The following PTCHD1 variants were observed in gnomAD, a reference collection of about 807,000 sequenced individuals.
PTCHD1 encodes patched domain containing 1.
Under a neutral mutation model 34.6 loss-of-function variants are expected in PTCHD1, and 3 were observed. The ratio of observed to expected loss-of-function variants is 0.09; its 90% CI spans 0.04 to 0.22. PTCHD1 has a LOEUF of 0.22. PTCHD1 is among the 10% of genes least tolerant of loss of function. PTCHD1 has a pLI of 1.00. For missense variants in PTCHD1, 504 were observed against 685.5 expected (o/e 0.74, Z 2.96); for synonymous variants, 305 against 283.1 (o/e 1.08, Z -0.77).
At chrX:23,383,306 A>G (rs17343379) in intron 2 of PTCHD1, among the ~76,000 whole-genome samples, 7,010 of 112,040 alleles carry the variant, frequency 0.063, 251 homozygotes, top group East Asian at 0.28. Context: ...TTCCTTGGCT[A>G]TCAATAGGTC....
At chrX:23,347,516 C>T (rs1195336877) in intron 1 of PTCHD1, among the ~76,000 whole-genome samples, 1 of 112,185 alleles carries the variant, frequency 8.9e-6, no homozygotes, top group Admixed American at 9.4e-5. Flanking sequence ...TACATTCTGA[C>T]CCCTAGATTA....
chrX:23,390,790 A>G lies in PTCHD1; in HGVS notation c.1013-1741A>G, dbSNP rs1034190193. ...GGATATAAATACTAGCTTGGGCATGAGGGAAGATGTACACCTAGCTATTGT... is the reference window on the plus strand; with the variant it reads ...GGATATAAATACTAGCTTGGGCATGGGGGAAGATGTACACCTAGCTATTGT... On this transcript the variant is annotated intron_variant, in intron 2 of 2. Transcript: ENST00000379361. Among the ~76,000 whole-genome samples, 121 of 112,353 alleles carry G rather than the reference A, an allele frequency of 1.1e-3. 1 individual carries two copies. Among genetic ancestry groups the G allele is most frequent in the African/African-American group, 3.5e-3 (109 of 30,972 alleles).
At chrX:23,349,434 A>G (rs1306031334) in intron 1 of PTCHD1, among the ~76,000 whole-genome samples, 1 of 112,006 alleles carries the variant, frequency 8.9e-6, no homozygotes, top group Non-Finnish European at 1.9e-5. Context: ...CTTTAAATAT[A>G]AAGAGTCATA....
At position 23,400,665 on chromosome X, in the gene PTCHD1, T is replaced by C. The variant is rs1247992299; in HGVS notation, c.*6480T>C. ...ACAACGGAAGCCGCCTCGGTTGGCC[T>C]ATGGGAAGGGCTGGGTGAATCACTG... On this transcript the variant is annotated 3_prime_UTR_variant, in exon 3 of 3. Coordinates refer to ENST00000379361, the MANE Select transcript of PTCHD1 (RefSeq NM_173495.3). The C allele has an allele frequency of 8.9e-6, 1 of 111,762 alleles. No individual in the cohort carries two copies. The allele number at this position is 111,762 out of a possible 1,213,427, so 9.2% of individuals were successfully genotyped here.
chrX:23,335,425 G>C (rs891967643), intron 1 of PTCHD1, among the ~76,000 whole-genome samples, 199 bp downstream of exon 1: 8 of 113,039 alleles, frequency 7.1e-5, no homozygotes, highest in Non-Finnish European at 1.1e-4. Context: ...GTCCGGGTCC[G>C]GCCCTGCCCG....
In PTCHD1 at chrX:23,393,015, T is replaced by C. The variant is rs1922879198; in HGVS notation, c.1497T>C (p.Tyr499=). ...ACTGTGACTGGATAACCAACACCTA[T>C]GTCAAGCCTTTTGTAGTTCTCTTTT... ...RYYCDWITNT[Y]VKPFVVLFYL... Residue 499 remains tyrosine, a synonymous_variant, in exon 3 of 3, where the codon TAT becomes TAC. Coordinates refer to ENST00000379361, the MANE Select transcript of PTCHD1 (RefSeq NM_173495.3). 3 of 1,211,431 alleles carry C rather than the reference T, an allele frequency of 2.5e-6. No individual in the cohort carries two copies. In the South Asian group the frequency reaches 5.3e-5, roughly 21 times the overall value.
chrX:23,391,292 C>T (rs751398667), intron 2 of PTCHD1, among the ~76,000 whole-genome samples: 5 of 111,467 alleles, frequency 4.5e-5, no homozygotes, highest in Non-Finnish European at 7.5e-5. Context: ...TCAAATAGCG[C>T]GGAGAAGCTA....
At chrX:23,340,666 C>G (rs1188845737) in intron 1 of PTCHD1, among the ~76,000 whole-genome samples, 3 of 112,100 alleles carry the variant, frequency 2.7e-5, no homozygotes, top group African/African-American at 9.7e-5. Context: ...CAAAGAAACA[C>G]GGAATCAAAG....
upstream of PTCHD1, chrX:23,334,832 C>T (rs773704617): frequency 1.1e-6 from 1 of 936,664 alleles, no homozygotes; most frequent in African/African-American, 2.0e-5. Flanking sequence ...GAACCCGCGC[C>T]GAGCGTGCGC....
At position 23,395,513 on chromosome X, in the gene PTCHD1, C is replaced by G. The variant is rs1922966579; in HGVS notation, c.*1328C>G. 1 of 111,556 alleles carries G rather than the reference C, an allele frequency of 9.0e-6. No individual in the cohort carries two copies. Among genetic ancestry groups the G allele is most frequent in the African/African-American group, 3.3e-5 (1 of 30,614 alleles). 9.2% of individuals were successfully genotyped at this position (111,556 alleles called of 1,213,427 possible). On this transcript the variant is annotated 3_prime_UTR_variant, in exon 3 of 3. Transcript: ENST00000379361. ...GCTGCACCTCACCTTGCTGGTCCCC[C>G]CCACACCTTTTTTGATGTCCTTCTG...
chrX:23,369,870 C>T (rs1286635070), intron 1 of PTCHD1, among the ~76,000 whole-genome samples: 4 of 111,868 alleles, frequency 3.6e-5, no homozygotes, highest in Non-Finnish European at 7.5e-5. Context: ...TTGTACTGAT[C>T]CATGCTTCTA....
intron 2 of PTCHD1, among the ~76,000 whole-genome samples, chrX:23,388,929 T>G (rs1922754102): frequency 8.9e-6 from 1 of 112,203 alleles, no homozygotes; most frequent in Non-Finnish European, 1.9e-5. Flanking sequence ...AAAATCTATC[T>G]TCTCTGCCTC....
At chrX:23,381,695 G>T (rs1431020277) in intron 2 of PTCHD1, among the ~76,000 whole-genome samples, 1 of 111,817 alleles carries the variant, frequency 8.9e-6, no homozygotes, top group Non-Finnish European at 1.9e-5. Context: ...TGAAGAGCTG[G>T]GCACTGTAAG....
chrX:23,344,525 A>G (rs1921424239), intron 1 of PTCHD1, among the ~76,000 whole-genome samples: 1 of 112,221 alleles, frequency 8.9e-6, no homozygotes, highest in African/African-American at 3.2e-5. Flanking sequence ...TGCTCAAGCT[A>G]CATTCAATAC....
At chrX:23,379,068 C>T (rs1922485845) in intron 1 of PTCHD1, among the ~76,000 whole-genome samples, 1 of 111,850 alleles carries the variant, frequency 8.9e-6, no homozygotes, top group Non-Finnish European at 1.9e-5. Context: ...CCCTGCAAAT[C>T]GGCATTAAAG....
chrX:23,378,512 G>A (rs1282946618), intron 1 of PTCHD1, among the ~76,000 whole-genome samples: 1 of 112,023 alleles, frequency 8.9e-6, no homozygotes, highest in Admixed American at 9.4e-5. Flanking sequence ...CATAAATTCA[G>A]AAATTAGTTG....
At chrX:23,360,128 G>T (rs747035594) in intron 1 of PTCHD1, among the ~76,000 whole-genome samples, 1 of 111,890 alleles carries the variant, frequency 8.9e-6, no homozygotes, top group East Asian at 2.8e-4. Context: ...TTGTGTCTCT[G>T]CCAGGATTTG....
At chrX:23,376,864 G>A (rs906899692) in intron 1 of PTCHD1, among the ~76,000 whole-genome samples, 1 of 112,243 alleles carries the variant, frequency 8.9e-6, no homozygotes, top group Admixed American at 9.4e-5. Context: ...GAAAGTCAAG[G>A]CAGTTGCATC....
intron 1 of PTCHD1, among the ~76,000 whole-genome samples, chrX:23,341,218 T>C (rs1234723582): frequency 1.8e-5 from 2 of 111,637 alleles, no homozygotes; most frequent in East Asian, 5.6e-4. Context: ...TCTTGATAGA[T>C]GCCATATTAG....
Sources: gnomAD v4.1 joint callset for allele counts (sites outside exome capture counted in the v4.1 genomes callset) on GRCh38, gnomAD v4.1.1 for gene constraint, MANE v1.5 for transcripts, NCBI Gene and HGNC (gene_info 2026-07-23, HGNC 2026-07-21) for gene names.